MACROH2A1: variants seen among roughly 807,000 people sequenced by gnomAD.
MACROH2A1 encodes macroH2A.1 histone, also known as core histone macro-H2A.1.
Under a neutral mutation model 31.6 loss-of-function variants are expected in MACROH2A1, and 2 were observed. That is an observed-to-expected ratio of 0.06 (90% confidence interval 0.03 to 0.20). MACROH2A1 has a LOEUF of 0.20. Among genes scored for constraint, MACROH2A1 ranks in the 10% least tolerant of loss-of-function variants. MACROH2A1 has a pLI of 1.00. For missense variants in MACROH2A1, 230 were observed against 474.0 expected, an observed-to-expected ratio of 0.49 and a Z score of 4.78; for synonymous variants, 169 against 189.6, an observed-to-expected ratio of 0.89 and a Z score of 0.89.
At chr5:135,360,689 T>A in intron 4 of MACROH2A1, 82 bp from the exon 5 acceptor site, 1 of 957,376 alleles carries the variant, frequency 1.0e-6, no homozygotes. Flanking sequence ...GCCTCACCCA[T>A]AACACCCAAG....
At chr5:135,368,093 A>T (rs1235050923) in intron 4 of MACROH2A1, among the ~76,000 whole-genome samples, 1 of 152,208 alleles carries the variant, frequency 6.6e-6, no homozygotes, top group African/African-American at 2.4e-5. Context: ...GCTGGGAGTG[A>T]TTCTGGGCCT....
intron 1 of MACROH2A1, among the ~76,000 whole-genome samples, chr5:135,397,045 C>T (rs1221879345): frequency 6.6e-6 from 1 of 151,748 alleles, no homozygotes; most frequent in East Asian, 1.9e-4. Flanking sequence ...AAGGCTGTCA[C>T]AAATCCTTGG....
intron 7 of MACROH2A1, chr5:135,345,744 T>TA: frequency 3.9e-6 from 2 of 507,192 alleles, no homozygotes; most frequent in Non-Finnish European, 7.1e-6. Context: ...ATCAAACATA[T>TA]AGGAGCTATT....
intron 1 of MACROH2A1, among the ~76,000 whole-genome samples, chr5:135,397,489 C>A (rs1404039515): frequency 6.6e-6 from 1 of 152,200 alleles, no homozygotes; most frequent in Non-Finnish European, 1.5e-5. Context: ...CTCTTAATGC[C>A]TTATCTAGGG....
chr5:135,368,216 G>A (rs1763759657), intron 4 of MACROH2A1, among the ~76,000 whole-genome samples: 2 of 152,252 alleles, frequency 1.3e-5, no homozygotes, highest in African/African-American at 4.8e-5. Context: ...GAAGGTTGGG[G>A]TTCACAGAAG....
rs540475784 is a variant in MACROH2A1, at chr5:135,380,772, T to C, written c.172+8150A>G. Among the ~76,000 whole-genome samples, 18 of 152,364 alleles carry C rather than the reference T, an allele frequency of 1.2e-4. 1 individual carries two copies. The highest frequency in any genetic ancestry group is 4.1e-4 in the African/African-American group (17 of 41,582). ...TGATTTCCTGTATTTTTGCATTTTATTTTCTAGATTTATTTTTAAATAAAA... is the reference window on the plus strand; with the variant it reads ...TGATTTCCTGTATTTTTGCATTTTACTTTCTAGATTTATTTTTAAATAAAA... On this transcript the variant is annotated intron_variant, in intron 2 of 8. Coordinates refer to ENST00000511689, the MANE Select transcript of MACROH2A1 (RefSeq NM_138610.3).
At chr5:135,346,120 G>GTATGTAATCACCTGA in intron 6 of MACROH2A1, 63 bp from the exon 7 acceptor site, 1 of 943,434 alleles carries the variant, frequency 1.1e-6, no homozygotes, top group Non-Finnish European at 1.8e-6. Context: ...CAGACACTTA[G>GTATGTAATCACCTGA]CATGTCAGGT....
Position 135,398,391 on chromosome 5 carries a change from AACAAAAGGCTGATACCGAG to A in MACROH2A1, c.-34+652_-34+670del, listed in dbSNP as rs1349224814. 6.6e-6 allele frequency among the ~76,000 whole-genome samples: 1 copy of A among 152,176 alleles called. No individual in the cohort carries two copies. Among genetic ancestry groups the A allele is most frequent in the Non-Finnish European group, 1.5e-5 (1 of 68,018 alleles). The stretch of plus-strand genomic sequence containing the variant: ...AGCAAACCCTTCCTACCACAAAGCA[AACAAAAGGCTGATACCGAG>A]ACAATCGGGAGCAGCGGGGGTTCCC... On this transcript the variant is annotated intron_variant, in intron 1 of 8. Transcript: ENST00000511689. This position sits in a 1 kb window ranked among gnomAD's most constrained non-coding sequence, Gnocchi z 4.6.
chr5:135,336,088 G>A (rs982887901), intron 8 of MACROH2A1, among the ~76,000 whole-genome samples: 5 of 152,328 alleles, frequency 3.3e-5, no homozygotes, highest in South Asian at 2.1e-4. Context: ...GCCTGTGGGC[G>A]TGTTGGTGTC....
chr5:135,339,294 G>A (rs372809135), intron 8 of MACROH2A1, among the ~76,000 whole-genome samples: 1 of 152,180 alleles, frequency 6.6e-6, no homozygotes, highest in African/African-American at 2.4e-5. Flanking sequence ...GGGGGTGTAC[G>A]CATTGGATGC....
At chr5:135,385,461 C>T (rs1353549446) in intron 2 of MACROH2A1, among the ~76,000 whole-genome samples, 1 of 152,204 alleles carries the variant, frequency 6.6e-6, no homozygotes, top group South Asian at 2.1e-4. Flanking sequence ...GACATCACAG[C>T]TCTCAGCAAG....
intron 7 of MACROH2A1, chr5:135,344,373 CTTTT>C (rs60483029): frequency 6.8e-6 from 1 of 146,284 alleles, no homozygotes; most frequent in Non-Finnish European, 1.5e-5. Context: ...ATTTCTGAAA[CTTTT>C]TTTTTTTTTA....
At chr5:135,373,227 T>C (rs930783260) in intron 2 of MACROH2A1, among the ~76,000 whole-genome samples, 2 of 152,112 alleles carry the variant, frequency 1.3e-5, no homozygotes, top group African/African-American at 4.8e-5. Context: ...GGGAGGGATG[T>C]GGTCTATATT....
chr5:135,336,753 A>G (rs1386101009), intron 8 of MACROH2A1, among the ~76,000 whole-genome samples: 1 of 152,208 alleles, frequency 6.6e-6, no homozygotes, highest in Non-Finnish European at 1.5e-5. Flanking sequence ...GCAGATCTGA[A>G]ATCTTGGCCC....
At chr5:135,374,788 A>G (rs1317482532) in intron 2 of MACROH2A1, among the ~76,000 whole-genome samples, 1 of 152,216 alleles carries the variant, frequency 6.6e-6, no homozygotes, top group Admixed American at 6.5e-5. Context: ...CAGCCCTTGG[A>G]TTCTCTCTTG....
rs1056000516 is a variant in MACROH2A1 at position 135,369,331 on chromosome 5, G to T, written c.477+75C>A. 9 of 1,199,208 alleles carry T rather than the reference G, an allele frequency of 7.5e-6. 1 individual carries two copies. The South Asian group carries it at 8.7e-5, about 12-fold the overall frequency. The allele number at this position is 1,199,208 out of a possible 1,614,324, so 74.3% of individuals were successfully genotyped here. A position where few individuals can be genotyped will look rare whatever the true frequency, so the allele number is the denominator to read the frequency against. On this transcript the variant is annotated intron_variant, in intron 4 of 8. Coordinates refer to ENST00000511689, the MANE Select transcript of MACROH2A1 (RefSeq NM_138610.3). The surrounding 1 kb of genome is among the most constrained non-coding windows in gnomAD (Gnocchi z 4.3). Reference sequence around the variant, plus strand: ...TGGGATGAGCCCACAGGGGGAATGAGGGGGGTGCCCTGGTAACCCTGTTTA... The same window carrying T: ...TGGGATGAGCCCACAGGGGGAATGATGGGGGTGCCCTGGTAACCCTGTTTA...
At chr5:135,395,283 C>T (rs1282461766) in intron 1 of MACROH2A1, among the ~76,000 whole-genome samples, 1 of 152,138 alleles carries the variant, frequency 6.6e-6, no homozygotes, top group Non-Finnish European at 1.5e-5. Flanking sequence ...CTCATGAAAC[C>T]GCTGGAATAG....
chr5:135,334,871 G>T lies in MACROH2A1; in HGVS notation c.*105C>A. The T allele has an allele frequency of 1.0e-6, 1 of 954,572 alleles. No homozygotes were observed. The highest frequency in any genetic ancestry group is 1.6e-6 in the Non-Finnish European group (1 of 625,070). 59.1% of individuals were successfully genotyped at this position (954,572 alleles called of 1,614,324 possible). Reference sequence around the variant, plus strand: ...TTATTTTCCCTAGATGAGCAAAACTGAAAATGAAAGGGGTCCCACCTCCCA... The same window carrying T: ...TTATTTTCCCTAGATGAGCAAAACTTAAAATGAAAGGGGTCCCACCTCCCA... On this transcript the variant is annotated 3_prime_UTR_variant, in exon 9 of 9. Transcript: ENST00000511689.
intron 1 of MACROH2A1, among the ~76,000 whole-genome samples, chr5:135,392,033 CT>C (rs1767320818): frequency 1.3e-5 from 2 of 152,226 alleles, no homozygotes; most frequent in Non-Finnish European, 2.9e-5. Flanking sequence ...CAGGCCACCC[CT>C]GACTTCTTGA....
Sources: gnomAD v4.1 joint callset for allele counts (sites outside exome capture counted in the v4.1 genomes callset) on GRCh38, gnomAD v4.1.1 for gene constraint, Gnocchi (gnomAD v3.1) non-coding constraint, MANE v1.5 for transcripts, NCBI Gene and HGNC (gene_info 2026-07-23, HGNC 2026-07-21) for gene names.